ARAP2: variants seen among roughly 807,000 people sequenced by gnomAD.
ARAP2 encodes the protein ArfGAP with RhoGAP domain, ankyrin repeat and PH domain 2.
A neutral mutation model predicts 194.5 loss-of-function variants in ARAP2; 148 were observed. The ratio of observed to expected loss-of-function variants is 0.76; its 90% CI spans 0.67 to 0.87. The LOEUF is 0.87. Among genes scored for constraint, ARAP2 ranks in the 40% least tolerant of loss-of-function variants. ARAP2 has a pLI of 0.00. For missense variants in ARAP2, 2,128 were observed against 1,989.7 expected (o/e 1.07, Z -1.32); for synonymous variants, 695 against 683.5 (o/e 1.02, Z -0.26).
At chr4:36,152,017 T>C (rs935046899) in intron 15 of ARAP2, among the ~76,000 whole-genome samples, 2 of 152,194 alleles carry the variant, frequency 1.3e-5, no homozygotes, top group Non-Finnish European at 2.9e-5. Flanking sequence ...CTTTAGCATA[T>C]GATTAGAATC....
chr4:36,075,075 C>T (rs1727948600), intron 31 of ARAP2, among the ~76,000 whole-genome samples: 2 of 151,986 alleles, frequency 1.3e-5, no homozygotes, highest in African/African-American at 4.8e-5. Context: ...TGACACAGTA[C>T]CAAACATGGT....
chr4:36,208,241 G>C (rs61796594), intron 6 of ARAP2, among the ~76,000 whole-genome samples: 171 of 152,272 alleles, frequency 1.1e-3, no homozygotes, highest in Non-Finnish European at 8.7e-4. Flanking sequence ...TGTTACTCTT[G>C]GGGAAAGAGC....
intron 19 of ARAP2, among the ~76,000 whole-genome samples, chr4:36,133,890 G>T (rs1313018555): frequency 6.6e-6 from 1 of 151,650 alleles, no homozygotes; most frequent in Non-Finnish European, 1.5e-5. Flanking sequence ...AAAGCTCCAT[G>T]GACTCTCCAG....
intron 1 of ARAP2, among the ~76,000 whole-genome samples, chr4:36,240,129 T>C (rs1753236857): frequency 6.6e-6 from 1 of 152,110 alleles, no homozygotes; most frequent in Non-Finnish European, 1.5e-5. Context: ...ATAGTATTTC[T>C]ATTAGAATTA....
chr4:36,009,971 GT>G (rs1213923991), intron 9 of ARAP2, among the ~76,000 whole-genome samples: 3 of 151,398 alleles, frequency 2.0e-5, no homozygotes, highest in African/African-American at 7.3e-5. Context: ...CTTGAGATTT[GT>G]TTTTCCCTTC....
At chr4:36,171,752 T>G (rs1320036076) in intron 9 of ARAP2, among the ~76,000 whole-genome samples, 3 of 152,150 alleles carry the variant, frequency 2.0e-5, no homozygotes, top group African/African-American at 4.8e-5. Flanking sequence ...TATTATTATT[T>G]TTATTTTATA....
intron 1 of ARAP2, among the ~76,000 whole-genome samples, chr4:36,060,272 C>T (rs931936017): frequency 6.6e-6 from 1 of 152,142 alleles, no homozygotes; most frequent in African/African-American, 2.4e-5. Context: ...AAAGATAGGG[C>T]ATCGTTGCTG....
At position 36,210,488 on chromosome 4, in the gene ARAP2, T is replaced by C; in HGVS notation, c.1389A>G (p.Ser463=). The part of the protein sequence containing the change: ...LSSTSGNADS[S]AVSSQAISPY... ...GAGATATTGCCTGTGAAGAAACGGCTGATGAATCAGCATTTCCACTTGTTG... is the reference window on the plus strand; with the variant it reads ...GAGATATTGCCTGTGAAGAAACGGCCGATGAATCAGCATTTCCACTTGTTG... Residue 463 remains serine (S), a synonymous_variant, in exon 6 of 33, where the codon TCA becomes TCG. Coordinates refer to ENST00000303965, the MANE Select transcript of ARAP2 (RefSeq NM_015230.4). The C allele has an allele frequency of 6.2e-7, 1 of 1,613,990 alleles. No homozygotes were observed. The highest frequency in any genetic ancestry group is 8.5e-7 in the Non-Finnish European group (1 of 1,179,880).
At chr4:36,178,152 C>CA in intron 8 of ARAP2, 147 bp from the exon 9 acceptor site, 1 of 646,752 alleles carries the variant, frequency 1.5e-6, no homozygotes, top group South Asian at 2.8e-5. Context: ...GTAAACAGAG[C>CA]CAATGACTCA....
intron 20 of ARAP2, among the ~76,000 whole-genome samples, chr4:36,131,657 A>G (rs1725485616): frequency 6.6e-6 from 1 of 151,790 alleles, no homozygotes; most frequent in South Asian, 2.1e-4. Flanking sequence ...AAAACATTAA[A>G]TTGGCTACAT....
chr4:36,020,624 G>A (rs972102298), intron 5 of ARAP2, among the ~76,000 whole-genome samples: 15 of 152,156 alleles, frequency 9.9e-5, no homozygotes, highest in African/African-American at 3.6e-4. Flanking sequence ...GTTATGATTT[G>A]TTTATTTCTG....
intron 19 of ARAP2, among the ~76,000 whole-genome samples, chr4:36,141,067 T>C (rs1205672963): frequency 2.6e-5 from 4 of 151,634 alleles, no homozygotes; most frequent in African/African-American, 4.8e-5. Flanking sequence ...GAAAAAGATA[T>C]GCAGAAGATG....
At chr4:36,158,456 G>C (rs573084332) in intron 15 of ARAP2, among the ~76,000 whole-genome samples, 1 of 152,080 alleles carries the variant, frequency 6.6e-6, no homozygotes. Flanking sequence ...AGTTATAAAG[G>C]AATAACCTTT....
At chr4:36,013,306 CT>C (rs1256716060) in intron 8 of ARAP2, among the ~76,000 whole-genome samples, 1 of 152,120 alleles carries the variant, frequency 6.6e-6, no homozygotes, top group Non-Finnish European at 1.5e-5. Flanking sequence ...ACGTAATACC[CT>C]TTCTGGAATA....
At chr4:36,122,677 G>C (rs1267181754) in intron 22 of ARAP2, among the ~76,000 whole-genome samples, 1 of 151,416 alleles carries the variant, frequency 6.6e-6, no homozygotes. Context: ...CCCGGATGAG[G>C]AAATAATCTG....
At chr4:36,091,349 T>C (rs923189015) in intron 28 of ARAP2, among the ~76,000 whole-genome samples, 2 of 152,114 alleles carry the variant, frequency 1.3e-5, no homozygotes, top group Non-Finnish European at 2.9e-5. Context: ...TATCTCTAAT[T>C]CTCTTATCCA....
chr4:36,178,369 T>G (rs1429005685), intron 8 of ARAP2, among the ~76,000 whole-genome samples: 3 of 152,186 alleles, frequency 2.0e-5, no homozygotes, highest in Admixed American at 6.6e-5. Flanking sequence ...TGAGATTAGA[T>G]TTTCTTTTAA....
chr4:36,020,034 T>C (rs1716632382), intron 5 of ARAP2, among the ~76,000 whole-genome samples: 1 of 152,218 alleles, frequency 6.6e-6, no homozygotes, highest in Non-Finnish European at 1.5e-5. Context: ...AATATCTATA[T>C]GCCAGCATCA....
intron 3 of ARAP2, among the ~76,000 whole-genome samples, chr4:36,050,085 G>A (rs1014928373): frequency 5.3e-5 from 8 of 152,070 alleles, no homozygotes; most frequent in African/African-American, 2.4e-5. Context: ...CTGAAGACTT[G>A]GTTTTCATGC....
Sources: allele counts gnomAD v4.1 joint callset (sites outside exome capture counted in the v4.1 genomes callset), GRCh38; gene constraint gnomAD v4.1.1; transcripts MANE v1.5; gene names NCBI Gene and HGNC (gene_info 2026-07-23, HGNC 2026-07-21).